ABCA8: variants seen among roughly 807,000 people sequenced by gnomAD.
ABCA8 encodes ABC-type organic anion transporter ABCA8.
ABCA8 carries 177 observed loss-of-function variants against 192.3 expected under a neutral mutation model. That is an observed-to-expected ratio of 0.92 (90% CI 0.81 to 1.04). ABCA8 has a LOEUF of 1.04. Among genes scored for constraint, ABCA8 ranks in the 50% least tolerant of loss-of-function variants. The pLI is 0.00. For synonymous variants in ABCA8, 642 were observed against 690.2 expected, an observed-to-expected ratio of 0.93 and a Z score of 1.09; for missense variants, 1,915 against 1,904.8, an observed-to-expected ratio of 1.01 and a Z score of -0.10.
At chr17:68,887,864 C>G (rs1397691410) in intron 24 of ABCA8, among the ~76,000 whole-genome samples, 1 of 122,548 alleles carries the variant, frequency 8.2e-6, no homozygotes, top group African/African-American at 3.3e-5. Flanking sequence ...TGATTCCTCT[C>G]TCTCTTTTCT....
Position 68,894,981 on chromosome 17 carries a change from C to T in ABCA8, c.2797G>A (p.Glu933Lys), listed in dbSNP as rs1434286680. The change falls in exon 22 of 40, where the codon GAG (glutamate) becomes AAG (lysine). Residue 933 changes from glutamate to lysine, a missense_variant. Physicochemically the swap from Glu to Lys is moderately conservative, Grantham distance 56. Transcript: ENST00000586539. The part of the protein sequence containing the change: ...ASIDDFIQSV[E>K]HQNIALEVDA... ...ACTTCTAAAGCTATGTTCTGGTGCT[C>T]CACAGACTGTATAAAGTCATCAATG... is the stretch of plus-strand genomic sequence containing the variant. The T allele has an allele frequency of 6.2e-7, 1 of 1,613,162 alleles. No homozygotes were observed. Among genetic ancestry groups the T allele is most frequent in the Non-Finnish European group, 8.5e-7 (1 of 1,179,620 alleles).
At chr17:68,901,973 T>A (rs2066926212) in intron 21 of ABCA8, among the ~76,000 whole-genome samples, 2 of 152,112 alleles carry the variant, frequency 1.3e-5, no homozygotes, top group African/African-American at 4.8e-5. Flanking sequence ...AAACATATGT[T>A]CAAACAAAAA....
At chr17:68,884,773 T>C (rs1382708124) in intron 27 of ABCA8, 12 of 985,248 alleles carry the variant, frequency 1.2e-5, no homozygotes, top group Non-Finnish European at 1.4e-5. Context: ...TCTTCACTCA[T>C]GTACAGTAAC....
intron 2 of ABCA8, among the ~76,000 whole-genome samples, chr17:68,946,640 A>G (rs1281927293): frequency 1.3e-5 from 2 of 152,190 alleles, no homozygotes; most frequent in Admixed American, 6.5e-5. Flanking sequence ...TTAATGAGCA[A>G]GAAATTATAT....
chr17:68,933,422 A>G (rs1254726905), intron 5 of ABCA8, 151 bp from the exon 6 acceptor site: 1 of 571,238 alleles, frequency 1.8e-6, no homozygotes, highest in Non-Finnish European at 3.1e-6. Context: ...GAAAACATAA[A>G]TTATAACAAT....
chr17:68,902,141 A>G (rs1232676708), intron 21 of ABCA8, among the ~76,000 whole-genome samples: 1 of 152,258 alleles, frequency 6.6e-6, no homozygotes, highest in Non-Finnish European at 1.5e-5. Flanking sequence ...GATAAATGCT[A>G]CAACATAGAT....
At chr17:68,875,828 A>T in intron 35 of ABCA8, 95 bp from the exon 36 acceptor site, 1 of 1,392,596 alleles carries the variant, frequency 7.2e-7, no homozygotes, top group South Asian at 1.5e-5. Flanking sequence ...GCGTGTGAAT[A>T]ATTAGCAAAA....
chr17:68,944,318 AT>A (rs1567886070), intron 2 of ABCA8, among the ~76,000 whole-genome samples: 1,025 of 55,026 alleles, frequency 0.019, 92 homozygotes, highest in Non-Finnish European at 0.027. Context: ...ACTTAAAGTT[AT>A]ATATATATAT....
chr17:68,901,825 AC>A (rs1237163048), intron 21 of ABCA8, among the ~76,000 whole-genome samples: 150 of 144,100 alleles, frequency 1.0e-3, no homozygotes, highest in African/African-American at 3.1e-3. Flanking sequence ...AAAAAAAAAA[AC>A]CCCACAAAAA....
intron 4 of ABCA8, among the ~76,000 whole-genome samples, chr17:68,938,896 G>A (rs1338764162): frequency 1.3e-5 from 2 of 152,158 alleles, no homozygotes; most frequent in Non-Finnish European, 2.9e-5. Flanking sequence ...ATCCAAAACA[G>A]AATAACTAAC....
chr17:68,953,644 G>A (rs564423437), intron 1 of ABCA8, among the ~76,000 whole-genome samples: 2 of 152,232 alleles, frequency 1.3e-5, no homozygotes, highest in South Asian at 4.1e-4. Flanking sequence ...ACAGTTCCAA[G>A]AGTAAAGCAG....
At chr17:68,904,291 AAATAATAAT>A (rs71144635) in intron 19 of ABCA8, among the ~76,000 whole-genome samples, 22,172 of 144,156 alleles carry the variant, frequency 0.15, 2,089 homozygotes, top group Non-Finnish European at 0.16. Flanking sequence ...CAAAAAAAAG[AAATAATAAT>A]AATAATAATA....
At chr17:68,947,462 T>C (rs1161352462) in intron 2 of ABCA8, among the ~76,000 whole-genome samples, 1 of 152,196 alleles carries the variant, frequency 6.6e-6, no homozygotes, top group Non-Finnish European at 1.5e-5. Flanking sequence ...TATGTTAGCT[T>C]TATTATGGCT....
At chr17:68,936,297 A>G (rs1329892534) in intron 5 of ABCA8, among the ~76,000 whole-genome samples, 4 of 151,856 alleles carry the variant, frequency 2.6e-5, no homozygotes, top group Admixed American at 2.6e-4. Flanking sequence ...TTCTTCCTGA[A>G]TTTTTATAGG....
intron 17 of ABCA8, among the ~76,000 whole-genome samples, chr17:68,915,512 G>A (rs1446149163): frequency 6.6e-6 from 1 of 151,994 alleles, no homozygotes; most frequent in Non-Finnish European, 1.5e-5. Context: ...TGACAAACAG[G>A]CATATGAAAA....
intron 23 of ABCA8, among the ~76,000 whole-genome samples, chr17:68,893,693 A>T (rs2066670531): frequency 7.1e-6 from 1 of 141,436 alleles, no homozygotes; most frequent in Non-Finnish European, 1.5e-5. Context: ...CAGTGCTGTA[A>T]GATTTCATTT....
Position 68,903,417 on chromosome 17 carries a change from T to C in ABCA8, c.2481A>G (p.Ser827=), listed in dbSNP as rs769621989. The part of the protein sequence containing the change: ...RLVEMEQVLS[S]LNKMRKTIGG... Reference sequence around the variant, plus strand: ...CTATTGTCTTTCTCATCTTGTTAAGTGAAGAGAGGACTTGTTCCATCTCAA... The same window carrying C: ...CTATTGTCTTTCTCATCTTGTTAAGCGAAGAGAGGACTTGTTCCATCTCAA... Residue 827 remains serine (S), a synonymous_variant, in exon 20 of 40, where the codon TCA becomes TCG. Transcript: ENST00000586539. 18 of 1,613,976 alleles carry C rather than the reference T, an allele frequency of 1.1e-5. No homozygotes were observed. Among genetic ancestry groups the C allele is most frequent in the Admixed American group, 1.7e-5 (1 of 60,010 alleles).
chr17:68,877,647 G>A lies in ABCA8; in HGVS notation c.4071C>T (p.Ala1357=). Residue 1357 remains alanine, a synonymous_variant, in exon 33 of 40, where the codon GCC becomes GCT. Transcript: ENST00000586539. ...VLLKGSGGGD[A]LEFLGYCPQE... Reference sequence around the variant, plus strand: ...GAGGGCAGTACCCCAGGAACTCCAGGGCATCCCCTCCACCGCTCCCTTTCA... The same window carrying A: ...GAGGGCAGTACCCCAGGAACTCCAGAGCATCCCCTCCACCGCTCCCTTTCA... 3.7e-6 allele frequency: 6 copies of A among 1,613,444 alleles called. No homozygotes were observed. The highest frequency in any genetic ancestry group is 5.1e-6 in the Non-Finnish European group (6 of 1,179,640).
chr17:68,896,083 G>A (rs1367918392), intron 21 of ABCA8, among the ~76,000 whole-genome samples: 1 of 152,078 alleles, frequency 6.6e-6, no homozygotes, highest in African/African-American at 2.4e-5. Flanking sequence ...CAGGAACAGC[G>A]GCAAGCCATA....
Sources: gnomAD v4.1 joint callset for allele counts (sites outside exome capture counted in the v4.1 genomes callset) on GRCh38, gnomAD v4.1.1 for gene constraint, MANE v1.5 for transcripts, NCBI Gene and HGNC (gene_info 2026-07-23, HGNC 2026-07-21) for gene names.